MRPS35: variants seen among roughly 807,000 people sequenced by gnomAD.
MRPS35 encodes the protein mitochondrial ribosomal protein S35, also known as small ribosomal subunit protein mS35.
In MRPS35, 29 loss-of-function variants were observed where a neutral mutation model predicts 32.7. The ratio of observed to expected loss-of-function variants is 0.89; its 90% CI spans 0.66 to 1.21. The LOEUF (loss-of-function observed/expected upper bound fraction) is 1.21. Ranked by LOEUF, MRPS35 falls within the 50% of genes most tolerant of loss-of-function variation. The pLI is 0.00. For missense variants in MRPS35, 373 were observed against 383.8 expected (o/e 0.97, Z 0.23); for synonymous variants, 148 against 139.3 (o/e 1.06, Z -0.44).
Position 27,754,283 on chromosome 12 carries a change from T to C in MRPS35, c.703-898T>C, listed in dbSNP as rs556684469. On this transcript the variant is annotated intron_variant, in intron 7 of 7. Coordinates refer to ENST00000081029, the MANE Select transcript of MRPS35 (RefSeq NM_021821.4). ...GGGGAAAAAAGAAAATTCCAGGATA[T>C]ATGAAGTCATTATGACTAAAAACCA... Among the ~76,000 whole-genome samples, 15 of 151,930 alleles carry C rather than the reference T, an allele frequency of 9.9e-5. No individual in the cohort carries two copies. The East Asian group carries it at 1.7e-3, about 18-fold the overall frequency.
intron 3 of MRPS35, among the ~76,000 whole-genome samples, 186 bp from the exon 4 acceptor site, chr12:27,719,622 C>T (rs2061865124): frequency 6.6e-6 from 1 of 150,592 alleles, no homozygotes; most frequent in Non-Finnish European, 1.5e-5. Flanking sequence ...GCCGAGATTG[C>T]GCCACTGCAG....
rs374122069 is a variant in MRPS35, at chr12:27,710,946, C to T, written c.103C>T (p.Pro35Ser). The change falls in exon 1 of 8, where the codon CCT becomes TCT. Residue 35 changes from proline to serine, a missense_variant. Pro to Ser is a moderately conservative substitution (Grantham distance 74). Coordinates refer to ENST00000081029, the MANE Select transcript of MRPS35 (RefSeq NM_021821.4). Reference sequence around the variant, plus strand: ...CTACTCGGCCACTCCGGTCCCGACACCTAGCCTGCGTGAGTGTCTGTCTCG... The same window carrying T: ...CTACTCGGCCACTCCGGTCCCGACATCTAGCCTGCGTGAGTGTCTGTCTCG... ...AVYSATPVPT[P>S]SLPERTPGNE... The T allele has an allele frequency of 3.0e-5, 49 of 1,612,744 alleles. No homozygotes were observed. The Middle Eastern group carries it at 6.6e-4, about 22-fold the overall frequency.
chr12:27,719,170 A>G (rs866396639), intron 3 of MRPS35, among the ~76,000 whole-genome samples: 2 of 152,244 alleles, frequency 1.3e-5, no homozygotes, highest in Non-Finnish European at 2.9e-5. Context: ...ATACCTGTAG[A>G]TTTGTGGCAG....
intron 7 of MRPS35, among the ~76,000 whole-genome samples, chr12:27,749,599 A>G (rs4930941): frequency 0.7 from 107,042 of 152,088 alleles, 38,354 homozygotes; most frequent in African/African-American, 0.84. Context: ...TGGTGGTGGA[A>G]TACATGTCAT....
chr12:27,729,828 G>A (rs1405655092), intron 5 of MRPS35, among the ~76,000 whole-genome samples: 3 of 151,420 alleles, frequency 2.0e-5, no homozygotes, highest in African/African-American at 7.4e-5. Flanking sequence ...CCTGGACCAC[G>A]CCACGTGCCA....
At chr12:27,712,075 G>T (rs2061828276) in intron 1 of MRPS35, among the ~76,000 whole-genome samples, 1 of 151,942 alleles carries the variant, frequency 6.6e-6, no homozygotes. Context: ...TTTGGGGGGA[G>T]TAGTGGCCAC....
rs529803681 is a variant in MRPS35, at chr12:27,737,444, C to G, written c.633-95C>G. 74 of 808,128 alleles carry G rather than the reference C, an allele frequency of 9.2e-5. 1 individual carries two copies. In the African/African-American group the frequency reaches 1.1e-3, roughly 12 times the overall value. The allele number at this position is 808,128 out of a possible 1,614,324, so 50.1% of individuals were successfully genotyped here. On this transcript the variant is annotated intron_variant, in intron 6 of 7. Coordinates refer to ENST00000081029, the MANE Select transcript of MRPS35 (RefSeq NM_021821.4). ...AAAGCAGAAAAGGAATACCTGAAAA[C>G]ATTATCTTCTGTATTTAGTATATTG... is the stretch of plus-strand genomic sequence containing the variant.
At chr12:27,741,169 A>G (rs1316888298) in intron 7 of MRPS35, among the ~76,000 whole-genome samples, 1 of 151,384 alleles carries the variant, frequency 6.6e-6, no homozygotes, top group Non-Finnish European at 1.5e-5. Flanking sequence ...CTCTGTCTCA[A>G]AAAAAAAATA....
At chr12:27,718,387 A>G (rs1315601391) in intron 3 of MRPS35, among the ~76,000 whole-genome samples, 1 of 152,196 alleles carries the variant, frequency 6.6e-6, no homozygotes, top group Non-Finnish European at 1.5e-5. Context: ...GGGTCGTGCC[A>G]CTGCGACAGA....
intron 5 of MRPS35, among the ~76,000 whole-genome samples, chr12:27,731,982 CAA>C (rs2061923869): frequency 1.3e-5 from 2 of 151,934 alleles, no homozygotes; most frequent in South Asian, 4.2e-4. Context: ...TTTTAAATCA[CAA>C]AGACAGTATA....
At chr12:27,742,249 G>A (rs2061966713) in intron 7 of MRPS35, among the ~76,000 whole-genome samples, 1 of 152,164 alleles carries the variant, frequency 6.6e-6, no homozygotes, top group Non-Finnish European at 1.5e-5. Context: ...TTTTGATTGT[G>A]TATGCCTACA....
At chr12:27,746,370 A>T (rs556665793) in intron 7 of MRPS35, among the ~76,000 whole-genome samples, 3 of 152,316 alleles carry the variant, frequency 2.0e-5, no homozygotes, top group South Asian at 4.1e-4. Flanking sequence ...CACATTTCAG[A>T]TTTGGAATGC....
intron 4 of MRPS35, among the ~76,000 whole-genome samples, chr12:27,723,332 G>C (rs1298141066): frequency 6.6e-6 from 1 of 152,010 alleles, no homozygotes. Context: ...TGAAGATAGA[G>C]AGGCATGTTC....
rs1442348297 is a variant in MRPS35 at position 27,724,067 on chromosome 12, G to A, written c.403G>A (p.Ala135Thr). The A allele has an allele frequency of 6.2e-7, 1 of 1,602,904 alleles. No homozygotes were observed. Among genetic ancestry groups the A allele is most frequent in the Non-Finnish European group, 8.5e-7 (1 of 1,177,490 alleles). The stretch of plus-strand genomic sequence containing the variant: ...CTCAGATTTTTGCACTGAGTGGCCA[G>A]CCGCACTGGACAGTGACGAGAAATG... The part of the protein sequence containing the change: ...ALKDFCTEWP[A>T]ALDSDEKCEK... The change falls in exon 5 of 8, where the codon GCC (alanine) becomes ACC (threonine). Residue 135 changes from alanine (A) to threonine (T), a missense_variant. Ala to Thr is a moderately conservative substitution (Grantham distance 58). Coordinates refer to ENST00000081029, the MANE Select transcript of MRPS35 (RefSeq NM_021821.4).
intron 5 of MRPS35, among the ~76,000 whole-genome samples, chr12:27,734,484 G>T (rs760265927): frequency 6.6e-6 from 1 of 151,948 alleles, no homozygotes; most frequent in African/African-American, 2.4e-5. Context: ...CAGGTGATCC[G>T]CCCGCCTCGG....
intron 7 of MRPS35, among the ~76,000 whole-genome samples, chr12:27,748,178 G>T (rs757374477): frequency 1.3e-5 from 2 of 152,180 alleles, no homozygotes; most frequent in East Asian, 3.8e-4. Flanking sequence ...GGCCTTTGTG[G>T]ATGCTTCTCC....
At chr12:27,741,459 TATTAAC>T (rs1262488933) in intron 7 of MRPS35, among the ~76,000 whole-genome samples, 4 of 152,180 alleles carry the variant, frequency 2.6e-5, no homozygotes, top group Non-Finnish European at 4.4e-5. Flanking sequence ...ATAATGTTGA[TATTAAC>T]AATAATAAAA....
At chr12:27,724,691 T>C (rs2140761556) in intron 5 of MRPS35, among the ~76,000 whole-genome samples, 1 of 151,950 alleles carries the variant, frequency 6.6e-6, no homozygotes, top group South Asian at 2.1e-4. Flanking sequence ...TGCAGTGAGC[T>C]GAGATCGCTC....
At chr12:27,751,411 G>C (rs1481018422) in intron 7 of MRPS35, among the ~76,000 whole-genome samples, 3 of 152,136 alleles carry the variant, frequency 2.0e-5, no homozygotes, top group African/African-American at 7.2e-5. Context: ...AAGAACACCT[G>C]GGGGGCTGTA....
Sources: allele counts gnomAD v4.1 joint callset (sites outside exome capture counted in the v4.1 genomes callset), GRCh38; gene constraint gnomAD v4.1.1; transcripts MANE v1.5; gene names NCBI Gene and HGNC (gene_info 2026-07-23, HGNC 2026-07-21).